Variants in C8orf34 observed in about 807,000 individuals in gnomAD.
C8orf34 encodes uncharacterized protein C8orf34.
Under a neutral mutation model 68.3 loss-of-function variants are expected in C8orf34, and 65 were observed. The ratio of observed to expected loss-of-function variants is 0.95; its 90% CI spans 0.78 to 1.17. The LOEUF is 1.17. C8orf34 is among the 50% of genes most tolerant of loss of function. The pLI, the probability that C8orf34 is intolerant of heterozygous loss-of-function variation, is 0.00. For synonymous variants in C8orf34, 244 were observed against 241.2 expected, an observed-to-expected ratio of 1.01 and a Z score of -0.11; for missense variants, 664 against 655.4, an observed-to-expected ratio of 1.01 and a Z score of -0.14.
chr8:68,546,153 G>A (rs187439270), intron 7 of C8orf34, among the ~76,000 whole-genome samples: 29 of 152,082 alleles, frequency 1.9e-4, no homozygotes, highest in Admixed American at 5.2e-4. Flanking sequence ...GACTAAGGAG[G>A]AACTAATGCA....
At chr8:68,744,910 G>A (rs1186100451) in intron 10 of C8orf34, among the ~76,000 whole-genome samples, 3 of 152,050 alleles carry the variant, frequency 2.0e-5, no homozygotes, top group Admixed American at 1.3e-4. Flanking sequence ...CTCGAGAAGA[G>A]CAACTCCAAG....
At chr8:68,460,504 A>G (rs1259426477) in intron 3 of C8orf34, among the ~76,000 whole-genome samples, 4 of 152,124 alleles carry the variant, frequency 2.6e-5, no homozygotes, top group Non-Finnish European at 5.9e-5. Context: ...TGGGTCCCTG[A>G]CCCCTGACCC....
intron 7 of C8orf34, among the ~76,000 whole-genome samples, chr8:68,547,619 A>G (rs1295069140): frequency 6.6e-6 from 1 of 151,836 alleles, no homozygotes; most frequent in East Asian, 1.9e-4. Context: ...ACATAAGTAT[A>G]TACACTTAAA....
At chr8:68,794,174 A>G (rs1824096263) in intron 12 of C8orf34, among the ~76,000 whole-genome samples, 1 of 151,612 alleles carries the variant, frequency 6.6e-6, no homozygotes, top group African/African-American at 2.4e-5. Flanking sequence ...GTTTTTAAAA[A>G]TTTCTTTGAG....
chr8:68,613,753 T>A (rs1489540421), intron 7 of C8orf34, among the ~76,000 whole-genome samples: 1 of 151,638 alleles, frequency 6.6e-6, no homozygotes, highest in Non-Finnish European at 1.5e-5. Flanking sequence ...TAAATATACA[T>A]GTGCATGTGT....
At chr8:68,512,887 CT>C (rs1450428284) in intron 5 of C8orf34, among the ~76,000 whole-genome samples, 2 of 151,586 alleles carry the variant, frequency 1.3e-5, no homozygotes, top group African/African-American at 4.8e-5. Flanking sequence ...ATTGTAACTC[CT>C]AGCAATTTCT....
chr8:68,646,290 T>A (rs1369066926), intron 8 of C8orf34, among the ~76,000 whole-genome samples: 1 of 151,904 alleles, frequency 6.6e-6, no homozygotes, highest in Non-Finnish European at 1.5e-5. Context: ...AAATTAATTT[T>A]AAATACAATT....
chr8:68,664,470 C>T (rs982781632), intron 8 of C8orf34, among the ~76,000 whole-genome samples: 1 of 152,216 alleles, frequency 6.6e-6, no homozygotes, highest in African/African-American at 2.4e-5. Context: ...AGTACCCATA[C>T]ATCCATTCTA....
intron 1 of C8orf34, among the ~76,000 whole-genome samples, chr8:68,343,021 TTTC>T (rs1297705693): frequency 2.8e-4 from 42 of 152,282 alleles, no homozygotes; most frequent in Admixed American, 2.3e-3. Flanking sequence ...CTGTATATAG[TTTC>T]AGGCATCCAT....
intron 10 of C8orf34, among the ~76,000 whole-genome samples, chr8:68,761,672 C>G (rs923282754): frequency 2.6e-5 from 4 of 152,208 alleles, no homozygotes; most frequent in African/African-American, 7.2e-5. Flanking sequence ...CCACAGTGCT[C>G]TAACCTGATC....
At chr8:68,760,977 C>T (rs1823008451) in intron 10 of C8orf34, among the ~76,000 whole-genome samples, 2 of 152,196 alleles carry the variant, frequency 1.3e-5, no homozygotes, top group Non-Finnish European at 2.9e-5. Flanking sequence ...TCAGCTTCTA[C>T]AGCTGTAAAA....
intron 7 of C8orf34, among the ~76,000 whole-genome samples, chr8:68,624,166 G>C (rs1439137254): frequency 6.6e-6 from 1 of 151,806 alleles, no homozygotes; most frequent in African/African-American, 2.4e-5. Flanking sequence ...CAGCTAATTG[G>C]GAGGCTGAGG....
chr8:68,476,419 A>T (rs1235089137), intron 4 of C8orf34, among the ~76,000 whole-genome samples: 1 of 152,224 alleles, frequency 6.6e-6, no homozygotes, highest in Non-Finnish European at 1.5e-5. Context: ...GTGGAGACAG[A>T]TATTCCTGGA....
intron 7 of C8orf34, among the ~76,000 whole-genome samples, chr8:68,627,272 T>C (rs555439469): frequency 2.8e-4 from 43 of 152,242 alleles, no homozygotes; most frequent in African/African-American, 9.4e-4. Flanking sequence ...TCTGTGCTGG[T>C]CTCCTTTCCA....
intron 8 of C8orf34, among the ~76,000 whole-genome samples, chr8:68,664,555 T>C (rs1259879486): frequency 6.6e-6 from 1 of 152,238 alleles, no homozygotes; most frequent in Non-Finnish European, 1.5e-5. Flanking sequence ...GGCCTTGTGA[T>C]AGATGATTTT....
intron 10 of C8orf34, among the ~76,000 whole-genome samples, chr8:68,739,280 A>G (rs1377221317): frequency 1.3e-5 from 2 of 152,088 alleles, no homozygotes; most frequent in Non-Finnish European, 2.9e-5. Flanking sequence ...TAGGTTTGGA[A>G]GTAACATACC....
chr8:68,346,493 T>C (rs1199380047), intron 1 of C8orf34, among the ~76,000 whole-genome samples: 1 of 152,082 alleles, frequency 6.6e-6, no homozygotes, highest in African/African-American at 2.4e-5. Context: ...TCACTCTTGG[T>C]GTACATTCCA....
chr8:68,643,082 A>AC (rs1345946626), intron 8 of C8orf34, among the ~76,000 whole-genome samples: 3 of 151,982 alleles, frequency 2.0e-5, no homozygotes, highest in Admixed American at 6.6e-5. Context: ...GGGGTTGGGG[A>AC]CCCCCATGCT....
rs539216762 is a variant in C8orf34, at chr8:68,423,677, C to G, written c.328-15822C>G. 9.9e-5 allele frequency among the ~76,000 whole-genome samples: 15 copies of G among 152,246 alleles called. No individual in the cohort carries two copies. In the South Asian group the frequency reaches 3.1e-3, roughly 32 times the overall value. ...TTTCGGGTATCTTTACAGCAGCACC[C>G]CACTATCTCGGTATGAATTTACTGT... On this transcript the variant is annotated intron_variant, in intron 1 of 13. Transcript: ENST00000518698.
Sources: allele counts gnomAD v4.1 joint callset (sites outside exome capture counted in the v4.1 genomes callset), GRCh38; gene constraint gnomAD v4.1.1; transcripts MANE v1.5; gene names NCBI Gene and HGNC (gene_info 2026-07-23, HGNC 2026-07-21).